Variants in PPM1L observed in about 807,000 individuals in gnomAD.
PPM1L encodes protein phosphatase, Mg2+/Mn2+ dependent 1L, also known as protein phosphatase 1L.
Under a neutral mutation model 31.4 loss-of-function variants are expected in PPM1L, and 13 were observed. The observed-to-expected ratio is 0.41, with a 90% CI of 0.27 to 0.66. The LOEUF (loss-of-function observed/expected upper bound fraction) is 0.66, where lower values mean the gene tolerates loss of function less well. Ranked by LOEUF, PPM1L falls within the 30% of genes least tolerant of loss-of-function variation. PPM1L has a pLI of 0.29. For synonymous variants in PPM1L, 184 were observed against 175.4 expected (o/e 1.05, Z -0.39); for missense variants, 326 against 453.7 (o/e 0.72, Z 2.56).
At chr3:161,029,693 T>C (rs898049273) in intron 2 of PPM1L, among the ~76,000 whole-genome samples, 7 of 152,308 alleles carry the variant, frequency 4.6e-5, no homozygotes, top group South Asian at 2.1e-4. Context: ...CAGGAGCTCA[T>C]TTTTATACAT....
chr3:161,073,944 CT>C lies in PPM1L; in HGVS notation c.*4793del, dbSNP rs1434981354. ...AATTCATTCCAAGATCTTTCCATTG[CT>C]TTTTTGCAGTTACCTTTGCTTTTTG... On this transcript the variant is annotated 3_prime_UTR_variant, in exon 4 of 4. Transcript: ENST00000498165. The C allele has an allele frequency of 2.6e-5, 4 of 152,116 alleles. No homozygotes were observed. In the South Asian group the frequency reaches 6.2e-4, roughly 24 times the overall value. The allele number at this position is 152,116 out of a possible 1,614,324, so 9.4% of individuals were successfully genotyped here.
intron 2 of PPM1L, among the ~76,000 whole-genome samples, chr3:161,006,387 G>C (rs1388727535): frequency 3.9e-5 from 6 of 152,184 alleles, no homozygotes; most frequent in African/African-American, 9.7e-5. Flanking sequence ...GATGGGGATA[G>C]AGTTTCAGTT....
rs1196482964 is a variant in PPM1L at position 161,071,890 on chromosome 3, A to G, written c.*2733A>G. 6.6e-6 allele frequency: 1 copy of G among 151,908 alleles called. No homozygotes were observed. The highest frequency in any genetic ancestry group is 1.9e-4 in the East Asian group (1 of 5,182). 9.4% of individuals were successfully genotyped at this position (151,908 alleles called of 1,614,324 possible). A position where few individuals can be genotyped will look rare whatever the true frequency, so the allele number is the denominator to read the frequency against. On this transcript the variant is annotated 3_prime_UTR_variant, in exon 4 of 4. Transcript: ENST00000498165. Reference sequence around the variant, plus strand: ...GAAGCTTCCCTAAGCAGCACTGCCAAAGCTTTGGAATTGTCACCCAAGGCT... The same window carrying G: ...GAAGCTTCCCTAAGCAGCACTGCCAGAGCTTTGGAATTGTCACCCAAGGCT...
intron 2 of PPM1L, among the ~76,000 whole-genome samples, chr3:161,059,674 A>G (rs1719515099): frequency 6.6e-6 from 1 of 151,952 alleles, no homozygotes; most frequent in African/African-American, 2.4e-5. Context: ...CCCAAATCTC[A>G]TGTCAAATTG....
chr3:160,787,062 C>A (rs112797185), intron 1 of PPM1L, among the ~76,000 whole-genome samples: 4 of 152,178 alleles, frequency 2.6e-5, no homozygotes, highest in African/African-American at 9.7e-5. Context: ...CTGCAGTCGA[C>A]ACACACATGC....
At chr3:161,056,444 T>C (rs1409668476) in intron 2 of PPM1L, among the ~76,000 whole-genome samples, 1 of 152,156 alleles carries the variant, frequency 6.6e-6, no homozygotes, top group Non-Finnish European at 1.5e-5. Flanking sequence ...AATATGCTAC[T>C]GAAACACTGT....
intron 1 of PPM1L, among the ~76,000 whole-genome samples, chr3:160,835,745 A>C (rs1393812451): frequency 6.6e-6 from 1 of 152,138 alleles, no homozygotes. Context: ...GCATCATAGA[A>C]ACTAGCTTAG....
chr3:161,047,249 A>G (rs562092960), intron 2 of PPM1L, among the ~76,000 whole-genome samples: 7 of 152,232 alleles, frequency 4.6e-5, no homozygotes, highest in African/African-American at 1.7e-4. Flanking sequence ...AAGTCTCAGT[A>G]TACAAAATCA....
intron 1 of PPM1L, among the ~76,000 whole-genome samples, chr3:160,830,506 T>C (rs545232670): frequency 9.1e-4 from 139 of 152,266 alleles, no homozygotes; most frequent in African/African-American, 3.2e-3. Context: ...CCTGAAAATT[T>C]AGGATTAATT....
At chr3:161,061,129 G>A (rs1553758590) in intron 2 of PPM1L, among the ~76,000 whole-genome samples, 1 of 151,972 alleles carries the variant, frequency 6.6e-6, no homozygotes, top group Non-Finnish European at 1.5e-5. Flanking sequence ...CAAACAGTAA[G>A]TTTTTTTTGG....
At chr3:160,814,527 A>ATATG (rs1314667209) in intron 1 of PPM1L, among the ~76,000 whole-genome samples, 1 of 100,220 alleles carries the variant, frequency 1.0e-5, no homozygotes, top group Non-Finnish European at 2.1e-5. Flanking sequence ...ATACACACAC[A>ATATG]TATGTATGTA....
chr3:161,041,984 G>T (rs930043951), intron 2 of PPM1L, among the ~76,000 whole-genome samples: 6 of 151,902 alleles, frequency 3.9e-5, no homozygotes, highest in African/African-American at 9.7e-5. Flanking sequence ...ATAAAAACCC[G>T]TTCTCATTCA....
At chr3:161,034,514 AAAG>A (rs1718680225) in intron 2 of PPM1L, among the ~76,000 whole-genome samples, 2 of 152,204 alleles carry the variant, frequency 1.3e-5, no homozygotes, top group Non-Finnish European at 2.9e-5. Context: ...ATGCAGCCAT[AAAG>A]AAGGATGAGT....
chr3:160,902,737 T>A (rs1233158001), intron 1 of PPM1L, among the ~76,000 whole-genome samples: 1 of 152,200 alleles, frequency 6.6e-6, no homozygotes, highest in African/African-American at 2.4e-5. Flanking sequence ...TATTTTGTTT[T>A]CTTTCCAACA....
intron 1 of PPM1L, among the ~76,000 whole-genome samples, chr3:160,781,849 T>C (rs1008540602): frequency 1.2e-4 from 18 of 152,228 alleles, no homozygotes; most frequent in East Asian, 1.9e-4. Flanking sequence ...TGAAACACCC[T>C]GGACATGAGC....
At chr3:160,957,770 G>A (rs1715825072) in intron 1 of PPM1L, among the ~76,000 whole-genome samples, 1 of 152,036 alleles carries the variant, frequency 6.6e-6, no homozygotes, top group South Asian at 2.1e-4. Flanking sequence ...TAGAGACGGG[G>A]TTTCACCATG....
chr3:161,030,345 C>T (rs755189126), intron 2 of PPM1L, among the ~76,000 whole-genome samples: 9 of 152,086 alleles, frequency 5.9e-5, no homozygotes, highest in East Asian at 1.9e-4. Context: ...TTTGTTTGTT[C>T]GTTTATTAAT....
chr3:160,936,961 C>G (rs1576725744), intron 1 of PPM1L, among the ~76,000 whole-genome samples: 2 of 152,148 alleles, frequency 1.3e-5, no homozygotes, highest in Admixed American at 1.3e-4. Context: ...TTTCTTTCCC[C>G]TCTTAATTTT....
rs1217379048 is a variant in PPM1L, at chr3:160,791,730, G to A, written c.399+35023G>A. On this transcript the variant is annotated intron_variant, in intron 1 of 3. Transcript: ENST00000498165. ...ATAAAAATATAAACGGAGAAATAATGAGTGTTAGGAATGCTTCTTTAGATT... is the reference window on the plus strand; with the variant it reads ...ATAAAAATATAAACGGAGAAATAATAAGTGTTAGGAATGCTTCTTTAGATT... Among the ~76,000 whole-genome samples, 5 of 152,264 alleles carry A rather than the reference G, an allele frequency of 3.3e-5. No individual in the cohort carries two copies. In the East Asian group the frequency reaches 9.6e-4, roughly 29 times the overall value.
Sources: gnomAD v4.1 joint callset for allele counts (sites outside exome capture counted in the v4.1 genomes callset) on GRCh38, gnomAD v4.1.1 for gene constraint, MANE v1.5 for transcripts, NCBI Gene and HGNC (gene_info 2026-07-23, HGNC 2026-07-21) for gene names.